The following CFTR variants were observed in gnomAD, a reference collection of about 807,000 sequenced individuals.
CFTR encodes the protein cystic fibrosis transmembrane conductance regulator.
CFTR carries 181 observed loss-of-function variants against 171.6 expected under a neutral mutation model. That is an observed-to-expected ratio of 1.05 (90% CI 0.93 to 1.19). The LOEUF is 1.19. CFTR is among the 50% of genes most tolerant of loss of function. The pLI, the probability that CFTR is intolerant of heterozygous loss-of-function variation, is 0.00. For missense variants in CFTR, 1,968 were observed against 1,734.7 expected (o/e 1.13, Z -2.39); for synonymous variants, 583 against 608.0 (o/e 0.96, Z 0.60).
chr7:117,523,413 G>A (rs1245024788), intron 3 of CFTR, among the ~76,000 whole-genome samples: 1 of 146,050 alleles, frequency 6.8e-6, no homozygotes, highest in African/African-American at 2.5e-5. Flanking sequence ...GTCTTGCTCT[G>A]TCACCCAGGC....
intron 12 of CFTR, 98 bp downstream of exon 12, chr7:117,587,931 G>A (rs991289998): frequency 2.6e-5 from 21 of 796,286 alleles, no homozygotes; most frequent in African/African-American, 2.6e-4. Context: ...TTCTGTTTCT[G>A]GAATTGAAAA....
At chr7:117,565,291 G>A (rs1225410242) in intron 11 of CFTR, among the ~76,000 whole-genome samples, 1 of 152,164 alleles carries the variant, frequency 6.6e-6, no homozygotes, top group Admixed American at 6.5e-5. Flanking sequence ...GATTATAATT[G>A]TATTTTGTTA....
intron 3 of CFTR, among the ~76,000 whole-genome samples, chr7:117,519,892 T>C (rs1798659985): frequency 6.6e-6 from 1 of 151,936 alleles, no homozygotes; most frequent in African/African-American, 2.4e-5. Flanking sequence ...AGCTGACTCT[T>C]AGAAGGTGTT....
intron 16 of CFTR, 37 bp from the exon 17 acceptor site, chr7:117,603,493 CTT>C (rs765290345): frequency 6.2e-7 from 1 of 1,612,496 alleles, no homozygotes; most frequent in Non-Finnish European, 8.5e-7. Flanking sequence ...CAGTAAGTAA[CTT>C]TGGCTGCCAA....
chr7:117,485,891 A>G (rs1195083675), intron 1 of CFTR, among the ~76,000 whole-genome samples: 1 of 152,112 alleles, frequency 6.6e-6, no homozygotes, highest in African/African-American at 2.4e-5. Context: ...CCGTGGAACA[A>G]TTTAATAAAG....
intron 19 of CFTR, 63 bp from the exon 20 acceptor site, chr7:117,611,518 T>C: frequency 2.0e-6 from 2 of 982,296 alleles, no homozygotes; most frequent in East Asian, 2.5e-5. Context: ...AGGTACAAGA[T>C]ATTATGAAAT....
intron 11 of CFTR, among the ~76,000 whole-genome samples, chr7:117,583,308 CT>C (rs1791876881): frequency 6.6e-6 from 1 of 150,998 alleles, no homozygotes; most frequent in African/African-American, 2.4e-5. Flanking sequence ...AATATGTAGT[CT>C]TTTATCCCCC....
intron 3 of CFTR, among the ~76,000 whole-genome samples, chr7:117,513,828 T>A (rs747846047): frequency 5.3e-5 from 8 of 152,186 alleles, no homozygotes; most frequent in Non-Finnish European, 1.2e-4. Context: ...AGAGTGACAC[T>A]GCACTCCCCA....
rs1791954233 is a variant in CFTR, at chr7:117,587,452, C to G, written c.1585-287C>G. Among the ~76,000 whole-genome samples the G allele has an allele frequency of 3.3e-5, 5 of 151,846 alleles. 1 individual carries two copies. In the Middle Eastern group the frequency reaches 0.014, roughly 413 times the overall value. The stretch of plus-strand genomic sequence containing the variant: ...GGATGATCTACACATATTTATATAC[C>G]CATAAATATACACATATTTTAATTT... On this transcript the variant is annotated intron_variant, in intron 11 of 26. Transcript: ENST00000003084.
intron 12 of CFTR, among the ~76,000 whole-genome samples, chr7:117,589,362 A>G (rs1022643203): frequency 6.6e-6 from 1 of 151,976 alleles, no homozygotes; most frequent in Admixed American, 6.6e-5. Context: ...AAAAATTTTT[A>G]AATTGGCTTT....
chr7:117,639,283 A>AC (rs1792877196), intron 22 of CFTR, among the ~76,000 whole-genome samples: 1 of 152,144 alleles, frequency 6.6e-6, no homozygotes, highest in Admixed American at 6.5e-5. Flanking sequence ...CTATTTCACA[A>AC]CCTTTACTTT....
intron 11 of CFTR, 54 bp downstream of exon 11, chr7:117,559,709 C>T: frequency 1.7e-6 from 2 of 1,209,968 alleles, no homozygotes; most frequent in Non-Finnish European, 2.4e-6. Flanking sequence ...TTCACACTAC[C>T]CAAATTATAT....
At chr7:117,514,717 A>T (rs1412012794) in intron 3 of CFTR, among the ~76,000 whole-genome samples, 1 of 152,086 alleles carries the variant, frequency 6.6e-6, no homozygotes, top group African/African-American at 2.4e-5. Flanking sequence ...GGTTCTAGAT[A>T]CTTGAGGAAT....
At chr7:117,585,421 G>A (rs888658788) in intron 11 of CFTR, among the ~76,000 whole-genome samples, 6 of 151,678 alleles carry the variant, frequency 4.0e-5, no homozygotes, top group Non-Finnish European at 8.8e-5. Flanking sequence ...AAAATATTTT[G>A]AAATTTTAAC....
intron 9 of CFTR, among the ~76,000 whole-genome samples, chr7:117,543,047 A>G (rs1799083691): frequency 1.3e-5 from 2 of 152,220 alleles, no homozygotes; most frequent in Admixed American, 1.3e-4. Flanking sequence ...CATAAAAAAT[A>G]TTATCAATGA....
intron 3 of CFTR, among the ~76,000 whole-genome samples, chr7:117,515,896 T>C (rs1340968631): frequency 6.6e-6 from 1 of 152,186 alleles, no homozygotes; most frequent in African/African-American, 2.4e-5. Context: ...CCTAGGTATT[T>C]TGTTCTCTTT....
chr7:117,583,041 T>C (rs775027496), intron 11 of CFTR, among the ~76,000 whole-genome samples: 1 of 152,174 alleles, frequency 6.6e-6, no homozygotes, highest in African/African-American at 2.4e-5. Flanking sequence ...GTTTAAAATA[T>C]AAATGTTATA....
At position 117,592,584 on chromosome 7, in the gene CFTR, A is replaced by G. The variant is rs397508375; in HGVS notation, c.2417A>G (p.Asp806Gly). Reference protein sequence around the residue: ...LAPQANLTELDIYSRRLSQET... With the variant: ...LAPQANLTELGIYSRRLSQET... ...CCTCAGGCAAACTTGACTGAACTGG[A>G]TATATATTCAAGAAGGTTATCTCAA... The change falls in exon 14 of 27, where the codon GAT (aspartate) becomes GGT (glycine). Residue 806 changes from aspartate to glycine, a missense_variant. By Grantham distance (94) the Asp-to-Gly change is moderately conservative. Transcript: ENST00000003084. 18 of 1,529,778 alleles carry G rather than the reference A, an allele frequency of 1.2e-5. No individual in the cohort carries two copies. The highest frequency in any genetic ancestry group is 1.8e-4 in the Middle Eastern group (1 of 5,646). 94.8% of individuals were successfully genotyped at this position (1,529,778 alleles called of 1,614,324 possible). A position where few individuals can be genotyped will look rare whatever the true frequency, so the allele number is the denominator to read the frequency against.
intron 23 of CFTR, among the ~76,000 whole-genome samples, chr7:117,652,415 C>T (rs1793102050): frequency 6.6e-6 from 1 of 152,066 alleles, no homozygotes; most frequent in Non-Finnish European, 1.5e-5. Context: ...TCAGAGAAAT[C>T]CAAGGAAATA....
Sources: allele counts gnomAD v4.1 joint callset (sites outside exome capture counted in the v4.1 genomes callset), GRCh38; gene constraint gnomAD v4.1.1; transcripts MANE v1.5; gene names NCBI Gene and HGNC (gene_info 2026-07-23, HGNC 2026-07-21).